The following ASTN2 variants were observed in gnomAD, a reference collection of about 807,000 sequenced individuals.
The protein encoded by ASTN2 is astrotactin-2.
ASTN2 carries 54 observed loss-of-function variants against 139.8 expected under a neutral mutation model. That is an observed-to-expected ratio of 0.39 (90% CI 0.31 to 0.48). The LOEUF (loss-of-function observed/expected upper bound fraction) is 0.48. ASTN2 is among the 20% of genes least tolerant of loss of function. The pLI is 0.95. For synonymous variants in ASTN2, 756 were observed against 719.5 expected, an observed-to-expected ratio of 1.05 and a Z score of -0.81; for missense variants, 1,565 against 1,725.1, an observed-to-expected ratio of 0.91 and a Z score of 1.64.
At chr9:116,685,075 T>C (rs753171213) in intron 16 of ASTN2, among the ~76,000 whole-genome samples, 17 of 152,288 alleles carry the variant, frequency 1.1e-4, no homozygotes, top group Non-Finnish European at 2.2e-4. Context: ...TTAGGAGTCA[T>C]GCAGCTGGAG....
intron 1 of ASTN2, among the ~76,000 whole-genome samples, chr9:117,368,332 C>T (rs1829902080): frequency 1.3e-5 from 2 of 150,934 alleles, no homozygotes; most frequent in South Asian, 2.2e-4. Context: ...ATACTCAATA[C>T]AAACAAAAGA....
At chr9:116,870,874 C>A (rs1248072605) in intron 10 of ASTN2, among the ~76,000 whole-genome samples, 4 of 152,182 alleles carry the variant, frequency 2.6e-5, no homozygotes, top group African/African-American at 9.7e-5. Flanking sequence ...AAGTCCCTCA[C>A]TGATGCAGAT....
chr9:117,045,873 G>T (rs1042557506), intron 5 of ASTN2, among the ~76,000 whole-genome samples: 1 of 152,084 alleles, frequency 6.6e-6, no homozygotes, highest in Non-Finnish European at 1.5e-5. Flanking sequence ...GGGGGAAAGG[G>T]ATTCTAGAAA....
chr9:117,409,426 C>T (rs1184839272), intron 1 of ASTN2, among the ~76,000 whole-genome samples: 1 of 152,198 alleles, frequency 6.6e-6, no homozygotes, highest in Non-Finnish European at 1.5e-5. Flanking sequence ...TGGGTCCATT[C>T]TTCGAATGTC....
At chr9:116,489,229 G>A (rs549358138) in intron 19 of ASTN2, among the ~76,000 whole-genome samples, 6 of 152,320 alleles carry the variant, frequency 3.9e-5, no homozygotes, top group African/African-American at 1.4e-4. Context: ...CAGCTTGGTG[G>A]TGCTTCTCTA....
chr9:117,379,888 C>T lies in ASTN2; in HGVS notation c.442+34609G>A, dbSNP rs187382735. Among the ~76,000 whole-genome samples, 61 of 152,200 alleles carry T rather than the reference C, an allele frequency of 4.0e-4. 1 individual carries two copies. The highest frequency in any genetic ancestry group is 1.4e-3 in the African/African-American group (59 of 41,524). ...ACTTTATTTGGAATATAATAGATAG[C>T]TATGGATATTTTCTGGGTGAAGGGG... is the stretch of plus-strand genomic sequence containing the variant. On this transcript the variant is annotated intron_variant, in intron 1 of 22. Transcript: ENST00000313400.
At chr9:117,384,232 C>T (rs1486587884) in intron 1 of ASTN2, among the ~76,000 whole-genome samples, 4 of 152,158 alleles carry the variant, frequency 2.6e-5, no homozygotes, top group Non-Finnish European at 5.9e-5. Flanking sequence ...TGGATGTACA[C>T]TCAGGTTTTA....
chr9:116,687,277 C>T (rs1266368265), intron 16 of ASTN2: 4 of 990,076 alleles, frequency 4.0e-6, no homozygotes, highest in African/African-American at 1.7e-5. Context: ...GGACAGGGAG[C>T]TCTGCGAATT....
chr9:117,224,508 G>T (rs182083423), intron 2 of ASTN2, among the ~76,000 whole-genome samples: 116 of 152,292 alleles, frequency 7.6e-4, no homozygotes, highest in African/African-American at 2.6e-3. Context: ...TCCAAGCGGT[G>T]ATTGTGATCC....
chr9:116,888,119 C>A (rs1420868824), intron 10 of ASTN2, among the ~76,000 whole-genome samples: 1 of 151,944 alleles, frequency 6.6e-6, no homozygotes, highest in Admixed American at 6.6e-5. Flanking sequence ...ATTCATTAGA[C>A]CTGGCATGGT....
chr9:116,556,564 G>A (rs772349805), intron 19 of ASTN2, among the ~76,000 whole-genome samples: 5 of 152,202 alleles, frequency 3.3e-5, no homozygotes, highest in African/African-American at 9.6e-5. Flanking sequence ...TTCATACATC[G>A]GAATTTTCTA....
chr9:116,549,218 T>C (rs1225705637), intron 19 of ASTN2, among the ~76,000 whole-genome samples: 1 of 56,810 alleles, frequency 1.8e-5, no homozygotes, highest in Admixed American at 1.7e-4. Context: ...AAGCTGAAAA[T>C]AAAGAAAGAA....
chr9:116,620,534 A>T, intron 17 of ASTN2, 91 bp from the exon 18 acceptor site: 1 of 1,506,080 alleles, frequency 6.6e-7, no homozygotes, highest in Non-Finnish European at 9.2e-7. Context: ...TGAGCCATCG[A>T]GGGCTTTAGA....
At chr9:117,184,946 T>C (rs11790061) in intron 3 of ASTN2, among the ~76,000 whole-genome samples, 19,561 of 152,124 alleles carry the variant, frequency 0.13, 1,474 homozygotes, top group African/African-American at 0.2. Context: ...GAAAATAACC[T>C]GAGAAGAGTC....
intron 20 of ASTN2, among the ~76,000 whole-genome samples, chr9:116,481,651 C>T (rs1429629316): frequency 1.3e-5 from 2 of 152,064 alleles, no homozygotes; most frequent in East Asian, 3.9e-4. Context: ...GTCTACTATC[C>T]AATTTAATTT....
chr9:117,008,396 G>T, intron 6 of ASTN2, 137 bp from the exon 7 acceptor site: 1 of 688,844 alleles, frequency 1.5e-6, no homozygotes, highest in Non-Finnish European at 2.2e-6. Flanking sequence ...CTTGCAATGT[G>T]CCCGTCATGG....
chr9:116,711,589 G>T (rs1376259796), intron 16 of ASTN2, among the ~76,000 whole-genome samples: 1 of 151,980 alleles, frequency 6.6e-6, no homozygotes, highest in Admixed American at 6.6e-5. Flanking sequence ...TATACCTTAG[G>T]AATCTTAGAC....
At chr9:117,315,614 A>C (rs1389363314) in intron 1 of ASTN2, among the ~76,000 whole-genome samples, 1 of 152,190 alleles carries the variant, frequency 6.6e-6, no homozygotes, top group Non-Finnish European at 1.5e-5. Context: ...TTCTCAGTAA[A>C]TGCTCATCTC....
intron 13 of ASTN2, among the ~76,000 whole-genome samples, chr9:116,788,063 A>G (rs902330903): frequency 6.6e-6 from 1 of 152,170 alleles, no homozygotes; most frequent in Non-Finnish European, 1.5e-5. Context: ...TAAGCCAAAC[A>G]CAGAAAGACA....
Sources: gnomAD v4.1 joint callset for allele counts (sites outside exome capture counted in the v4.1 genomes callset) on GRCh38, gnomAD v4.1.1 for gene constraint, MANE v1.5 for transcripts, NCBI Gene and HGNC (gene_info 2026-07-23, HGNC 2026-07-21) for gene names.